The following MTUS2 variants were observed in gnomAD, a reference collection of about 807,000 sequenced individuals.
MTUS2 encodes microtubule associated scaffold protein 2, also known as microtubule-associated tumor suppressor candidate 2.
In MTUS2, 40 loss-of-function variants were observed where a neutral mutation model predicts 114.1. That is an observed-to-expected ratio of 0.35 (90% CI 0.27 to 0.46). The LOEUF (loss-of-function observed/expected upper bound fraction) is 0.46. Ranked by LOEUF, MTUS2 falls within the 20% of genes least tolerant of loss-of-function variation. The pLI is 1.00. For missense variants in MTUS2, 1,679 were observed against 1,705.4 expected (o/e 0.98, Z 0.27); for synonymous variants, 688 against 672.0 (o/e 1.02, Z -0.37).
At chr13:29,147,572 A>G (rs1023516091) in intron 5 of MTUS2, among the ~76,000 whole-genome samples, 13 of 151,978 alleles carry the variant, frequency 8.6e-5, no homozygotes, top group Admixed American at 8.5e-4. Context: ...GTAGTTTTTC[A>G]ACCATTTCCC....
chr13:29,373,609 G>T (rs1039459414), intron 8 of MTUS2, among the ~76,000 whole-genome samples: 3 of 152,172 alleles, frequency 2.0e-5, no homozygotes, highest in Non-Finnish European at 4.4e-5. Flanking sequence ...GTGCTAGACT[G>T]GCCATTGTGG....
chr13:29,230,737 G>A (rs9579308), intron 5 of MTUS2, among the ~76,000 whole-genome samples: 125,570 of 152,230 alleles, frequency 0.82, 51,837 homozygotes, highest in East Asian at 0.89. Context: ...GGACTAGAGT[G>A]CAGGCCTTTA....
At chr13:28,940,622 G>T (rs1351298581) in intron 2 of MTUS2, among the ~76,000 whole-genome samples, 1 of 151,070 alleles carries the variant, frequency 6.6e-6, no homozygotes, top group African/African-American at 2.5e-5. Context: ...ACTGGAAACT[G>T]TAAGAGTATA....
Position 29,437,346 on chromosome 13 carries a change from G to A in MTUS2, c.3118-2637G>A, listed in dbSNP as rs547245243. ...TGTGTTTAGATAATTATTTAGGAAC[G>A]TGTTTAGGAATTAGAGAATATGAGT... On this transcript the variant is annotated intron_variant, in intron 8 of 15. Coordinates refer to ENST00000612955, the MANE Select transcript of MTUS2 (RefSeq NM_001033602.4). 7.2e-5 allele frequency among the ~76,000 whole-genome samples: 11 copies of A among 152,248 alleles called. No individual in the cohort carries two copies. The South Asian group carries it at 1.9e-3, about 26-fold the overall frequency.
chr13:29,369,022 A>G (rs964369883), intron 8 of MTUS2, among the ~76,000 whole-genome samples: 1 of 152,162 alleles, frequency 6.6e-6, no homozygotes, highest in Non-Finnish European at 1.5e-5. Context: ...TCAGAAGCCA[A>G]ACGGAGGGGG....
intron 5 of MTUS2, among the ~76,000 whole-genome samples, chr13:29,234,978 G>A (rs2139374030): frequency 6.6e-6 from 1 of 152,160 alleles, no homozygotes; most frequent in African/African-American, 2.4e-5. Context: ...GCTGTCAGTT[G>A]ATCATTTAAT....
At position 29,365,502 on chromosome 13, in the gene MTUS2, G is replaced by A. The variant is rs202183283; in HGVS notation, c.3117+6029G>A. Among the ~76,000 whole-genome samples, 5 of 117,626 alleles carry A rather than the reference G, an allele frequency of 4.3e-5. No homozygotes were observed. The East Asian group carries it at 7.2e-4, about 17-fold the overall frequency. 77.2% of individuals were successfully genotyped at this position (117,626 alleles called of 152,430 possible). A position where few individuals can be genotyped will look rare whatever the true frequency, so the allele number is the denominator to read the frequency against. ...TGCTTTGTCATCAATACGTTTTTTT[G>A]TTTGGGTTTGTGTGTGTGTGTGTGT... On this transcript the variant is annotated intron_variant, in intron 8 of 15. Transcript: ENST00000612955.
intron 8 of MTUS2, among the ~76,000 whole-genome samples, chr13:29,431,568 T>C (rs918963533): frequency 6.6e-6 from 1 of 152,184 alleles, no homozygotes; most frequent in African/African-American, 2.4e-5. Flanking sequence ...TTCTGGAATT[T>C]AGTGAAAGGA....
At chr13:29,338,468 T>C (rs889039982) in intron 7 of MTUS2, among the ~76,000 whole-genome samples, 4 of 152,124 alleles carry the variant, frequency 2.6e-5, no homozygotes, top group Admixed American at 2.6e-4. Context: ...CGTGAGCCTG[T>C]AATCCCAGTT....
intron 8 of MTUS2, among the ~76,000 whole-genome samples, chr13:29,414,990 T>C (rs994575209): frequency 6.6e-6 from 1 of 151,438 alleles, no homozygotes; most frequent in Non-Finnish European, 1.5e-5. Context: ...GGGGGGTTTT[T>C]TTGGTTTGGT....
chr13:29,026,941 C>T (rs368593821), intron 3 of MTUS2, 38 bp downstream of exon 3: 11 of 1,513,036 alleles, frequency 7.3e-6, no homozygotes, highest in Non-Finnish European at 9.7e-6. Flanking sequence ...TATAAGTTGA[C>T]TGTCCCAATA....
At chr13:29,221,363 T>A in intron 5 of MTUS2, among the ~76,000 whole-genome samples, 1 of 152,378 alleles carries the variant, frequency 6.6e-6, no homozygotes, top group Admixed American at 6.5e-5. Context: ...GTGTAAGTAG[T>A]TTATTCTCCA....
chr13:29,465,505 C>G (rs540094042), intron 9 of MTUS2, among the ~76,000 whole-genome samples: 2 of 152,170 alleles, frequency 1.3e-5, no homozygotes, highest in Non-Finnish European at 2.9e-5. Context: ...ACCAGGTAAT[C>G]GCGTAGGCTA....
intron 1 of MTUS2, among the ~76,000 whole-genome samples, chr13:28,834,197 G>A (rs1874906974): frequency 6.6e-6 from 1 of 152,076 alleles, no homozygotes; most frequent in Admixed American, 6.6e-5. Context: ...ATATGGAAAT[G>A]CAAGGGACCC....
intron 8 of MTUS2, among the ~76,000 whole-genome samples, chr13:29,431,375 A>G (rs1411650937): frequency 6.6e-6 from 1 of 152,242 alleles, no homozygotes; most frequent in Non-Finnish European, 1.5e-5. Context: ...GGACCATCAA[A>G]TAATTCTTAA....
chr13:29,165,254 A>G (rs966250026), intron 5 of MTUS2, among the ~76,000 whole-genome samples: 2 of 152,080 alleles, frequency 1.3e-5, no homozygotes, highest in Non-Finnish European at 1.5e-5. Context: ...CCTTCCCTCC[A>G]TTCTTCACAG....
chr13:29,400,155 CAA>C (rs1874211795), intron 8 of MTUS2, among the ~76,000 whole-genome samples: 1 of 151,978 alleles, frequency 6.6e-6, no homozygotes, highest in Non-Finnish European at 1.5e-5. Context: ...ATTTTTTAGA[CAA>C]AGATTTAAAG....
chr13:29,091,419 A>T (rs1198401542), intron 4 of MTUS2, among the ~76,000 whole-genome samples: 1 of 152,104 alleles, frequency 6.6e-6, no homozygotes, highest in East Asian at 1.9e-4. Flanking sequence ...ACAGCAACTA[A>T]GATATTTAAG....
chr13:29,281,613 A>G, intron 5 of MTUS2, 91 bp from the exon 6 acceptor site: 1 of 1,357,464 alleles, frequency 7.4e-7, no homozygotes, highest in Non-Finnish European at 1.0e-6. Context: ...AAAGCAGATG[A>G]CGGCAGTAGG....
Sources: allele counts gnomAD v4.1 joint callset (sites outside exome capture counted in the v4.1 genomes callset), GRCh38; gene constraint gnomAD v4.1.1; transcripts MANE v1.5; gene names NCBI Gene and HGNC (gene_info 2026-07-23, HGNC 2026-07-21).